The following LMX1A variants were observed in gnomAD, a reference collection of about 807,000 sequenced individuals.
The protein encoded by LMX1A is LIM homeobox transcription factor 1-alpha.
Under a neutral mutation model 49.1 loss-of-function variants are expected in LMX1A, and 15 were observed. That is an observed-to-expected ratio of 0.31 (90% CI 0.20 to 0.47). The LOEUF (loss-of-function observed/expected upper bound fraction) is 0.47. Among genes scored for constraint, LMX1A ranks in the 20% least tolerant of loss-of-function variants. The probability of loss-of-function intolerance (pLI) is 1.00; values close to 1 mark genes in which losing one functional copy is unlikely to be tolerated. For missense variants in LMX1A, 372 were observed against 475.8 expected, an observed-to-expected ratio of 0.78 and a Z score of 2.03; for synonymous variants, 167 against 185.7, an observed-to-expected ratio of 0.90 and a Z score of 0.82.
chr1:165,251,083 CT>C (rs36006799), intron 3 of LMX1A, among the ~76,000 whole-genome samples: 25,654 of 143,512 alleles, frequency 0.18, 2,757 homozygotes, highest in East Asian at 0.55. Context: ...TATTGAATGG[CT>C]TTTTTTTTTT....
At chr1:165,301,494 T>C (rs1372108441) in intron 3 of LMX1A, among the ~76,000 whole-genome samples, 1 of 152,218 alleles carries the variant, frequency 6.6e-6, no homozygotes, top group African/African-American at 2.4e-5. Context: ...CACTGCATCA[T>C]ACCAAGCTAA....
At chr1:165,301,776 T>C (rs921518373) in intron 3 of LMX1A, among the ~76,000 whole-genome samples, 2 of 152,058 alleles carry the variant, frequency 1.3e-5, no homozygotes, top group African/African-American at 2.4e-5. Context: ...AACAAACTGG[T>C]TCTTTTCTTT....
intron 3 of LMX1A, among the ~76,000 whole-genome samples, chr1:165,278,150 A>G (rs1198400194): frequency 6.6e-6 from 1 of 152,224 alleles, no homozygotes. Flanking sequence ...GCAGAGCCAG[A>G]ATTCAAACTC....
intron 3 of LMX1A, among the ~76,000 whole-genome samples, chr1:165,255,217 C>T (rs566805548): frequency 3.9e-5 from 6 of 152,328 alleles, no homozygotes; most frequent in East Asian, 1.9e-4. Context: ...GAGACCTATG[C>T]GCTTAGCTTA....
intron 3 of LMX1A, among the ~76,000 whole-genome samples, chr1:165,336,651 C>A (rs188944606): frequency 7.9e-5 from 12 of 152,296 alleles, no homozygotes; most frequent in Non-Finnish European, 4.4e-5. Flanking sequence ...TACACCGTTG[C>A]CATCTCAGTA....
intron 3 of LMX1A, among the ~76,000 whole-genome samples, chr1:165,350,820 A>C (rs1429112801): frequency 1.3e-5 from 2 of 152,234 alleles, no homozygotes; most frequent in African/African-American, 4.8e-5. Context: ...TATGGTTCCA[A>C]AAATATTTTT....
At chr1:165,286,150 A>C (rs1654299504) in intron 3 of LMX1A, among the ~76,000 whole-genome samples, 1 of 152,174 alleles carries the variant, frequency 6.6e-6, no homozygotes, top group Admixed American at 6.5e-5. Context: ...ACAACCTGCT[A>C]CTTAAAACCC....
chr1:165,284,598 GA>G (rs1654250149), intron 3 of LMX1A, among the ~76,000 whole-genome samples: 2 of 152,354 alleles, frequency 1.3e-5, no homozygotes, highest in East Asian at 3.9e-4. Context: ...GTCTAAATCT[GA>G]GCCAGCTGAT....
intron 3 of LMX1A, among the ~76,000 whole-genome samples, chr1:165,280,912 A>G (rs1034874162): frequency 1.5e-4 from 23 of 152,124 alleles, no homozygotes; most frequent in African/African-American, 4.8e-4. Context: ...GTAACAGTCA[A>G]TGGGGGGCAG....
intron 3 of LMX1A, among the ~76,000 whole-genome samples, chr1:165,331,594 T>C (rs1020827826): frequency 4.6e-5 from 7 of 152,280 alleles, no homozygotes; most frequent in East Asian, 1.9e-4. Context: ...AACTTAAAGA[T>C]AGATAAATAG....
intron 4 of LMX1A, among the ~76,000 whole-genome samples, chr1:165,247,703 C>A (rs1465497561): frequency 6.6e-6 from 1 of 152,244 alleles, no homozygotes; most frequent in Non-Finnish European, 1.5e-5. Context: ...TAAGCACCCA[C>A]ATTTATTGAA....
At chr1:165,305,265 C>T (rs770504048) in intron 3 of LMX1A, among the ~76,000 whole-genome samples, 6 of 152,144 alleles carry the variant, frequency 3.9e-5, no homozygotes, top group Admixed American at 2.6e-4. Flanking sequence ...CTCGTCGACA[C>T]ATATTGCCAC....
At chr1:165,301,679 T>C (rs1654778140) in intron 3 of LMX1A, among the ~76,000 whole-genome samples, 1 of 152,196 alleles carries the variant, frequency 6.6e-6, no homozygotes, top group African/African-American at 2.4e-5. Context: ...TTCCAAGATG[T>C]ACTTTTAAAA....
chr1:165,316,359 T>G (rs1655227582), intron 3 of LMX1A, among the ~76,000 whole-genome samples: 1 of 152,166 alleles, frequency 6.6e-6, no homozygotes, highest in African/African-American at 2.4e-5. Flanking sequence ...CGTTGCTGCT[T>G]CAGGGCCCAG....
At chr1:165,291,858 T>G (rs1160373936) in intron 3 of LMX1A, among the ~76,000 whole-genome samples, 1 of 151,646 alleles carries the variant, frequency 6.6e-6, no homozygotes, top group Non-Finnish European at 1.5e-5. Flanking sequence ...GGTCAGGAAA[T>G]CGAGACCATC....
At chr1:165,354,605 T>C (rs962220249) in intron 2 of LMX1A, among the ~76,000 whole-genome samples, 1 of 152,140 alleles carries the variant, frequency 6.6e-6, no homozygotes, top group Non-Finnish European at 1.5e-5. Flanking sequence ...GTGGGGAGAT[T>C]CCTCACTGGA....
At chr1:165,224,181 T>C (rs1331166751) in intron 4 of LMX1A, among the ~76,000 whole-genome samples, 1 of 152,194 alleles carries the variant, frequency 6.6e-6, no homozygotes, top group Non-Finnish European at 1.5e-5. Flanking sequence ...TTCTCCACCA[T>C]GTAAGATGCC....
intron 4 of LMX1A, among the ~76,000 whole-genome samples, chr1:165,214,215 T>A (rs1651553316): frequency 6.6e-6 from 1 of 152,086 alleles, no homozygotes; most frequent in South Asian, 2.1e-4. Flanking sequence ...AGTGAGTGAG[T>A]TCTCACACGA....
Position 165,293,115 on chromosome 1 carries a change from C to CAA in LMX1A, c.264-43477_264-43476dup, listed in dbSNP as rs532576590. ...CGGGCGACAGAGAGAGACTCCATCT[C>CAA]AAAAAAAAAAACAAAACAAAACAAA... On this transcript the variant is annotated intron_variant, in intron 3 of 8. Coordinates refer to ENST00000342310, the MANE Select transcript of LMX1A (RefSeq NM_177398.4). Among the ~76,000 whole-genome samples the CAA allele has an allele frequency of 1.5e-4, 18 of 118,858 alleles. No individual in the cohort carries two copies. In the South Asian group the frequency reaches 2.0e-3, roughly 13 times the overall value. The allele number at this position is 118,858 out of a possible 152,430, so 78.0% of individuals were successfully genotyped here.
Sources: gnomAD v4.1 joint callset for allele counts (sites outside exome capture counted in the v4.1 genomes callset) on GRCh38, gnomAD v4.1.1 for gene constraint, MANE v1.5 for transcripts, NCBI Gene and HGNC (gene_info 2026-07-23, HGNC 2026-07-21) for gene names.